XRCC4: variants seen among roughly 807,000 people sequenced by gnomAD.
XRCC4 encodes the protein X-ray repair cross complementing 4, also known as DNA repair protein XRCC4.
A neutral mutation model predicts 39.1 loss-of-function variants in XRCC4; 28 were observed. The observed-to-expected ratio is 0.72, with a 90% CI of 0.53 to 0.98. The LOEUF (loss-of-function observed/expected upper bound fraction) is 0.98, where lower values mean the gene tolerates loss of function less well. Ranked by LOEUF, XRCC4 falls within the 50% of genes least tolerant of loss-of-function variation. XRCC4 has a pLI of 0.00. For missense variants in XRCC4, 350 were observed against 376.4 expected, an observed-to-expected ratio of 0.93 and a Z score of 0.58; for synonymous variants, 123 against 126.4, an observed-to-expected ratio of 0.97 and a Z score of 0.18.
intron 7 of XRCC4, among the ~76,000 whole-genome samples, chr5:83,275,154 G>T (rs1055134148): frequency 6.6e-6 from 1 of 152,264 alleles, no homozygotes; most frequent in African/African-American, 2.4e-5. Flanking sequence ...TTTAGAATAA[G>T]GGAGAGAGAG....
chr5:83,210,038 C>A (rs1248171431), intron 6 of XRCC4, among the ~76,000 whole-genome samples: 2 of 152,052 alleles, frequency 1.3e-5, no homozygotes, highest in Admixed American at 1.3e-4. Flanking sequence ...TATAGAATAG[C>A]CTTTTTGAAA....
At chr5:83,228,689 G>T (rs1476764213) in intron 6 of XRCC4, among the ~76,000 whole-genome samples, 1 of 151,908 alleles carries the variant, frequency 6.6e-6, no homozygotes, top group Non-Finnish European at 1.5e-5. Context: ...TGTAAACCTT[G>T]GTGGTAAATT....
intron 3 of XRCC4, among the ~76,000 whole-genome samples, chr5:83,131,928 G>A (rs1192172246): frequency 2.6e-5 from 4 of 152,084 alleles, no homozygotes; most frequent in African/African-American, 7.2e-5. Context: ...TCATTATGAC[G>A]TTAGCTGGTT....
rs375610569 is a variant in XRCC4, at chr5:83,331,415, G to A, written c.894-21716G>A. 2.5e-3 allele frequency among the ~76,000 whole-genome samples: 387 copies of A among 152,108 alleles called. 2 individuals are homozygous for A. The highest frequency in any genetic ancestry group is 8.9e-3 in the African/African-American group (371 of 41,528). On this transcript the variant is annotated intron_variant, in intron 7 of 7. Coordinates refer to ENST00000396027, the MANE Select transcript of XRCC4 (RefSeq NM_003401.5). ...ATATATATGGTATTGGAGAGGAATT[G>A]ATCAACAGGAACTCTTACACACTGC...
intron 3 of XRCC4, among the ~76,000 whole-genome samples, chr5:83,192,843 T>G (rs1171723477): frequency 6.6e-6 from 1 of 152,216 alleles, no homozygotes; most frequent in African/African-American, 2.4e-5. Context: ...CTGGCTGTGC[T>G]GTACCATTCA....
intron 3 of XRCC4, among the ~76,000 whole-genome samples, chr5:83,183,755 T>C (rs1201578537): frequency 6.6e-6 from 1 of 152,168 alleles, no homozygotes; most frequent in Non-Finnish European, 1.5e-5. Context: ...TTTTCATTAT[T>C]TGTTTTTGGC....
At chr5:83,169,805 C>T (rs1206490743) in intron 3 of XRCC4, among the ~76,000 whole-genome samples, 1 of 152,032 alleles carries the variant, frequency 6.6e-6, no homozygotes, top group Non-Finnish European at 1.5e-5. Flanking sequence ...TTAAAATAAA[C>T]AGGCTGTGTG....
At chr5:83,203,319 A>G (rs553243596) in intron 4 of XRCC4, among the ~76,000 whole-genome samples, 1 of 152,276 alleles carries the variant, frequency 6.6e-6, no homozygotes, top group South Asian at 2.1e-4. Context: ...CTAAAGGCTT[A>G]TTTGTATCAG....
intron 7 of XRCC4, chr5:83,258,987 T>C: frequency 3.6e-6 from 1 of 280,256 alleles, no homozygotes; most frequent in Non-Finnish European, 6.7e-6. Context: ...AGTGTTTCAA[T>C]CTAATTTACT....
intron 6 of XRCC4, among the ~76,000 whole-genome samples, chr5:83,241,485 CT>C (rs1246550459): frequency 6.6e-6 from 1 of 151,954 alleles, no homozygotes; most frequent in Non-Finnish European, 1.5e-5. Flanking sequence ...GTTCACTGAT[CT>C]TTTTTTTCTT....
At chr5:83,233,917 A>AG (rs1250066928) in intron 6 of XRCC4, among the ~76,000 whole-genome samples, 1 of 150,884 alleles carries the variant, frequency 6.6e-6, no homozygotes, top group Non-Finnish European at 1.5e-5. Context: ...AAAAAAAAAA[A>AG]AAAGAATTCT....
chr5:83,182,307 A>G (rs1356296585), intron 3 of XRCC4, among the ~76,000 whole-genome samples: 1 of 152,180 alleles, frequency 6.6e-6, no homozygotes, highest in African/African-American at 2.4e-5. Flanking sequence ...TTTTCTTCAA[A>G]TGAAGGTGCT....
chr5:83,346,904 A>T (rs1756933160), intron 7 of XRCC4, among the ~76,000 whole-genome samples: 1 of 152,196 alleles, frequency 6.6e-6, no homozygotes, highest in African/African-American at 2.4e-5. Context: ...TGTTTCTCTC[A>T]CTTTCCATTA....
At chr5:83,272,716 A>G (rs78046229) in intron 7 of XRCC4, among the ~76,000 whole-genome samples, 3,074 of 152,192 alleles carry the variant, frequency 0.02, 89 homozygotes, top group African/African-American at 0.071. Flanking sequence ...TGAAAATGAT[A>G]GTGTCCAACT....
At chr5:83,366,681 C>T in the XRCC4 span, among the ~76,000 whole-genome samples, 1 of 152,146 alleles carries the variant, frequency 6.6e-6, no homozygotes, top group Non-Finnish European at 1.5e-5. Flanking sequence ...ACTACCCTGC[C>T]CTGTTTTCCC....
At chr5:83,310,687 A>C (rs1755676675) in intron 7 of XRCC4, 1 of 424,108 alleles carries the variant, frequency 2.4e-6, no homozygotes, top group Non-Finnish European at 4.7e-6. Context: ...TTTTACGGTA[A>C]AACGTATTTT....
In XRCC4 at chr5:83,163,460, A is replaced by G. The variant is rs561024808; in HGVS notation, c.316-32310A>G. On this transcript the variant is annotated intron_variant, in intron 3 of 7. Transcript: ENST00000396027. ...TTAGGAATTGAGCTTCATTAATGAA[A>G]CCATTTTATTGGACACATAGCTGTA... is the stretch of plus-strand genomic sequence containing the variant. 2.1e-3 allele frequency among the ~76,000 whole-genome samples: 320 copies of G among 152,300 alleles called. 2 individuals carry two copies. Among genetic ancestry groups the G allele is most frequent in the Non-Finnish European group, 3.4e-3 (232 of 68,022 alleles).
intron 7 of XRCC4, among the ~76,000 whole-genome samples, chr5:83,331,844 C>G (rs755372155): frequency 1.3e-4 from 20 of 152,092 alleles, no homozygotes; most frequent in Non-Finnish European, 2.9e-4. Flanking sequence ...ATCGCTTCAT[C>G]ATAAGGATAA....
chr5:83,235,334 C>CAAAAAA (rs57372204), intron 6 of XRCC4, among the ~76,000 whole-genome samples: 4 of 58,706 alleles, frequency 6.8e-5, no homozygotes, highest in East Asian at 6.7e-4. Flanking sequence ...GACCCTATCT[C>CAAAAAA]AAAAAAAAAA....
Sources: gnomAD v4.1 joint callset for allele counts (sites outside exome capture counted in the v4.1 genomes callset) on GRCh38, gnomAD v4.1.1 for gene constraint, MANE v1.5 for transcripts, NCBI Gene and HGNC (gene_info 2026-07-23, HGNC 2026-07-21) for gene names.